Variants in SNX31 observed in about 807,000 individuals in gnomAD.
The protein encoded by SNX31 is sorting nexin 31.
SNX31 carries 58 observed loss-of-function variants against 65.4 expected under a neutral mutation model. The observed-to-expected ratio is 0.89, with a 90% CI of 0.72 to 1.10. SNX31 has a LOEUF of 1.10. SNX31 is among the 50% of genes least tolerant of loss of function. SNX31 has a pLI of 0.00. For missense variants in SNX31, 523 were observed against 529.7 expected, an observed-to-expected ratio of 0.99 and a Z score of 0.12; for synonymous variants, 181 against 190.1, an observed-to-expected ratio of 0.95 and a Z score of 0.39.
chr8:100,657,578 A>T, intron 1 of SNX31: 1 of 402,618 alleles, frequency 2.5e-6, no homozygotes, highest in South Asian at 1.8e-5. Context: ...GGGAGGCAGC[A>T]GGTATACCTG....
At chr8:100,641,561 AAAAAATAT>A (rs1400346078) in intron 2 of SNX31, among the ~76,000 whole-genome samples, 35 of 28,668 alleles carry the variant, frequency 1.2e-3, no homozygotes, top group African/African-American at 8.1e-3. Flanking sequence ...AAAAAAAAAA[AAAAAATAT>A]ATATATATAT....
At chr8:100,656,391 GCA>G (rs1820052270) in intron 1 of SNX31, among the ~76,000 whole-genome samples, 1 of 146,478 alleles carries the variant, frequency 6.8e-6, no homozygotes, top group South Asian at 2.2e-4. Flanking sequence ...TGTAATTCCA[GCA>G]CTTTGGGAGG....
At chr8:100,640,697 A>G (rs1819110085) in intron 2 of SNX31, among the ~76,000 whole-genome samples, 2 of 152,094 alleles carry the variant, frequency 1.3e-5, no homozygotes, top group South Asian at 4.2e-4. Flanking sequence ...CCCCCAACCC[A>G]TAACCCCCAT....
rs1275797382 is a variant in SNX31, at chr8:100,626,046, G to A, written c.321+4281C>T. On this transcript the variant is annotated intron_variant, in intron 4 of 13. Coordinates refer to ENST00000311812, the MANE Select transcript of SNX31 (RefSeq NM_152628.4). The surrounding 1 kb of genome is among the most constrained non-coding windows in gnomAD (Gnocchi z 4.4). Reference sequence around the variant, plus strand: ...GTTCAAGACCAGCCTGACCAACATGGAGAAACCCCATCTCTACTAAAATAC... The same window carrying A: ...GTTCAAGACCAGCCTGACCAACATGAAGAAACCCCATCTCTACTAAAATAC... Among the ~76,000 whole-genome samples the A allele has an allele frequency of 6.6e-6, 1 of 152,266 alleles. No homozygotes were observed. The highest frequency in any genetic ancestry group is 1.9e-4 in the East Asian group (1 of 5,188).
At chr8:100,637,458 C>G (rs1367932057) in intron 2 of SNX31, among the ~76,000 whole-genome samples, 1 of 152,168 alleles carries the variant, frequency 6.6e-6, no homozygotes, top group Non-Finnish European at 1.5e-5. Flanking sequence ...ATTCCATGGC[C>G]TTTGTCACAA....
At chr8:100,654,686 T>C (rs1045908525) in intron 1 of SNX31, among the ~76,000 whole-genome samples, 2 of 152,190 alleles carry the variant, frequency 1.3e-5, no homozygotes, top group Non-Finnish European at 2.9e-5. Context: ...AGGCATCACA[T>C]TCAATGTGGG....
chr8:100,579,218 T>G (rs1813297960), intron 12 of SNX31, among the ~76,000 whole-genome samples: 2 of 152,168 alleles, frequency 1.3e-5, no homozygotes, highest in Non-Finnish European at 2.9e-5. Flanking sequence ...CTTCCCCTCC[T>G]GCTCCCTATG....
intron 9 of SNX31, 26 bp from the exon 10 acceptor site, chr8:100,596,868 G>A (rs767497173): frequency 6.2e-7 from 1 of 1,606,346 alleles, no homozygotes; most frequent in South Asian, 1.1e-5. Context: ...TGATGTGGGG[G>A]GAGGGGAGGC....
chr8:100,584,113 T>C lies in SNX31; in HGVS notation c.1168A>G (p.Met390Val), dbSNP rs1225325528. 1.2e-6 allele frequency: 2 copies of C among 1,604,524 alleles called. No homozygotes were observed. Among genetic ancestry groups the C allele is most frequent in the South Asian group, 2.2e-5 (2 of 89,294 alleles). Residue 390 changes from methionine (M) to valine (V), a missense_variant and splice_region_variant, in exon 12 of 14, where the codon ATG becomes GTG. Met to Val is a conservative substitution (Grantham distance 21, BLOSUM62 1). Coordinates refer to ENST00000311812, the MANE Select transcript of SNX31 (RefSeq NM_152628.4). ...MVKLAAENTE[M>V]QIEVPEQSKS... ...TAGACACAGATAAGAGCACTCACCA[T>C]TTCTGTATTCTCAGCAGCTAGCTTT...
rs113088701 is a variant in SNX31, at chr8:100,604,991, T to G, written c.681+3503A>C. On this transcript the variant is annotated intron_variant, in intron 8 of 13. Coordinates refer to ENST00000311812, the MANE Select transcript of SNX31 (RefSeq NM_152628.4). This position sits in a 1 kb window ranked among gnomAD's most constrained non-coding sequence, Gnocchi z 4.3. ...TTGGCTCCCTGCAACCTCTGCCTCC[T>G]GGGTTCAAGAGATTCTCCTGCCTCG... Among the ~76,000 whole-genome samples, 6,535 of 152,178 alleles carry G rather than the reference T, an allele frequency of 0.043. 389 individuals carry two copies. The highest frequency in any genetic ancestry group is 0.13 in the African/African-American group (5,422 of 41,494).
chr8:100,603,243 G>A (rs1405674807), intron 8 of SNX31, among the ~76,000 whole-genome samples: 1 of 152,100 alleles, frequency 6.6e-6, no homozygotes, highest in Non-Finnish European at 1.5e-5. Flanking sequence ...GTACTTGATG[G>A]TAGAGCCCAG....
chr8:100,653,131 A>T (rs550902623), upstream of SNX31, among the ~76,000 whole-genome samples: 15 of 152,328 alleles, frequency 9.8e-5, no homozygotes, highest in South Asian at 3.1e-3. Flanking sequence ...CGAGTGAGTC[A>T]GAAAGGTAAG....
chr8:100,610,641 C>T lies in SNX31; in HGVS notation c.611+1359G>A, dbSNP rs1816629165. ...AGGAACAACTGTGCTCAGCCATTCA[C>T]TACAGCAAGCAGCTTCCAGAACAGC... is the stretch of plus-strand genomic sequence containing the variant. On this transcript the variant is annotated intron_variant, in intron 7 of 13. Coordinates refer to ENST00000311812, the MANE Select transcript of SNX31 (RefSeq NM_152628.4). The surrounding 1 kb of genome is among the most constrained non-coding windows in gnomAD (Gnocchi z 4.0). Among the ~76,000 whole-genome samples, 1 of 152,218 alleles carries T rather than the reference C, an allele frequency of 6.6e-6. No homozygotes were observed. Among genetic ancestry groups the T allele is most frequent in the Non-Finnish European group, 1.5e-5 (1 of 68,044 alleles).
intron 11 of SNX31, among the ~76,000 whole-genome samples, chr8:100,585,283 T>C (rs2130825453): frequency 6.6e-6 from 1 of 152,328 alleles, no homozygotes; most frequent in African/African-American, 2.4e-5. Flanking sequence ...CCTGCTGTTT[T>C]CTCCTTTGGC....
chr8:100,595,834 T>C (rs915539198), intron 10 of SNX31, among the ~76,000 whole-genome samples: 4 of 152,178 alleles, frequency 2.6e-5, no homozygotes, highest in African/African-American at 9.7e-5. Flanking sequence ...GTCTGGGCAT[T>C]GATTTCAGAG....
rs1819681966 is a variant in SNX31, at chr8:100,646,915, T to C, written c.141+2359A>G. On this transcript the variant is annotated intron_variant, in intron 2 of 13. Coordinates refer to ENST00000311812, the MANE Select transcript of SNX31 (RefSeq NM_152628.4). Reference sequence around the variant, plus strand: ...AATAGGTCAGAGCAGGTTCTAGAAATCAAGTCCTGCCTCCAACATTAACAA... The same window carrying C: ...AATAGGTCAGAGCAGGTTCTAGAAACCAAGTCCTGCCTCCAACATTAACAA... Among the ~76,000 whole-genome samples, 3 of 152,226 alleles carry C rather than the reference T, an allele frequency of 2.0e-5. No individual in the cohort carries two copies. In the South Asian group the frequency reaches 6.2e-4, roughly 32 times the overall value.
chr8:100,601,253 A>C (rs867396795), intron 8 of SNX31, among the ~76,000 whole-genome samples: 1 of 152,344 alleles, frequency 6.6e-6, no homozygotes, highest in African/African-American at 2.4e-5. Flanking sequence ...ATGCCCCAAA[A>C]TGGGTAACTG....
intron 12 of SNX31, among the ~76,000 whole-genome samples, chr8:100,579,702 C>T (rs1813329217): frequency 6.6e-6 from 1 of 152,124 alleles, no homozygotes; most frequent in Admixed American, 6.6e-5. Flanking sequence ...AAAAATACAT[C>T]TGGTGATGGT....
intron 12 of SNX31, among the ~76,000 whole-genome samples, chr8:100,581,796 A>G (rs1365130495): frequency 6.7e-6 from 1 of 149,736 alleles, no homozygotes; most frequent in African/African-American, 2.4e-5. Context: ...GTACATTTAT[A>G]TGGTTTCCTT....
Sources: gnomAD v4.1 joint callset for allele counts (sites outside exome capture counted in the v4.1 genomes callset) on GRCh38, gnomAD v4.1.1 for gene constraint, Gnocchi (gnomAD v3.1) non-coding constraint, MANE v1.5 for transcripts, NCBI Gene and HGNC (gene_info 2026-07-23, HGNC 2026-07-21) for gene names.